The following CLIC3 variants were observed in gnomAD, a reference collection of about 807,000 sequenced individuals.
CLIC3 encodes CLIC family member 3.
CLIC3 carries 29 observed loss-of-function variants against 19.9 expected under a neutral mutation model. The observed-to-expected ratio is 1.46, with a 90% CI of 1.09 to 1.99. The LOEUF (loss-of-function observed/expected upper bound fraction) is 1.99. Ranked by LOEUF, CLIC3 falls within the 30% of genes most tolerant of loss-of-function variation. The pLI is 0.00. For missense variants in CLIC3, 365 were observed against 342.6 expected, an observed-to-expected ratio of 1.07 and a Z score of -0.52; for synonymous variants, 143 against 156.4, an observed-to-expected ratio of 0.91 and a Z score of 0.64.
rs1240919841 is a variant in CLIC3 at position 136,996,388 on chromosome 9, G to C, written c.33+123C>G. Reference sequence around the variant, plus strand: ...CTGTAGGGCTGCCTGAGTCCCCCTAGCCACCCACAGGAAGGGGCTCAGACA... The same window carrying C: ...CTGTAGGGCTGCCTGAGTCCCCCTACCCACCCACAGGAAGGGGCTCAGACA... On this transcript the variant is annotated intron_variant, in intron 1 of 5. Transcript: ENST00000494426. 6 of 892,160 alleles carry C rather than the reference G, an allele frequency of 6.7e-6. No homozygotes were observed. The East Asian group carries it at 1.6e-4, about 24-fold the overall frequency. 55.3% of individuals were successfully genotyped at this position (892,160 alleles called of 1,614,324 possible). A position where few individuals can be genotyped will look rare whatever the true frequency, so the allele number is the denominator to read the frequency against.
Position 136,995,184 on chromosome 9 carries a change from AC to A in CLIC3, c.376+1del. ...GCACCCGACCCCCTGACCCCGCTTC[AC>A]CTTCGTCCTGCGCGGGCACCGGGTT... On this transcript the variant is annotated splice_donor_variant, in intron 4 of 5. Transcript: ENST00000494426. LOFTEE classifies it high-confidence loss of function. 1 of 1,611,542 alleles carries A rather than the reference AC, an allele frequency of 6.2e-7. No individual in the cohort carries two copies. The highest frequency in any genetic ancestry group is 8.5e-7 in the Non-Finnish European group (1 of 1,179,390).
intron 1 of CLIC3, 24 bp from the exon 2 acceptor site, chr9:136,995,781 G>A (rs930310786): frequency 8.1e-6 from 12 of 1,476,188 alleles, no homozygotes; most frequent in Non-Finnish European, 1.1e-5. Flanking sequence ...GCGGGGGTGG[G>A]GGGTCAGGGC....
At chr9:136,995,615 G>A (rs904914269) in intron 2 of CLIC3, 33 bp downstream of exon 2, 1 of 1,609,648 alleles carries the variant, frequency 6.2e-7, no homozygotes, top group Non-Finnish European at 8.5e-7. Context: ...CAGTGTGCGA[G>A]GCCAGGCGGG....
chr9:136,994,809 T>TG lies in CLIC3; in HGVS notation c.582dup (p.Ile195HisfsTer53). 6.3e-7 allele frequency: 1 copy of TG among 1,584,882 alleles called. No individual in the cohort carries two copies. The highest frequency in any genetic ancestry group is 8.6e-7 in the Non-Finnish European group (1 of 1,166,620). On this transcript the variant is annotated frameshift_variant, in exon 6 of 6. Coordinates refer to ENST00000494426, the MANE Select transcript of CLIC3 (RefSeq NM_004669.3). LOFTEE classifies it low-confidence loss of function (END_TRUNC). ...CGTACGCCGCGCAGCTCCGCGGGGA[T>TG]GGGCGCCTGGCGGAAGTGCGCGCAC...
Position 136,995,755 on chromosome 9 carries a change from C to T in CLIC3, c.36G>A (p.Ala12=), listed in dbSNP as rs1487684434. 3 of 1,557,836 alleles carry T rather than the reference C, an allele frequency of 1.9e-6. No homozygotes were observed. Among genetic ancestry groups the T allele is most frequent in the Admixed American group, 3.8e-5 (2 of 52,438 alleles). The change falls in exon 2 of 6, where the codon GCG becomes GCA. Residue 12 remains alanine, a splice_region_variant and synonymous_variant. Transcript: ENST00000494426. ...GACCCACGCTCTCCCCGTCCTCACTCGCCTGGGTGGGTGGAGCGGGGGTGG... is the reference window on the plus strand; with the variant it reads ...GACCCACGCTCTCCCCGTCCTCACTTGCCTGGGTGGGTGGAGCGGGGGTGG... ...AETKLQLFVK[A]SEDGESVGHC...
intron 1 of CLIC3, 131 bp from the exon 2 acceptor site, chr9:136,995,888 C>T (rs954821790): frequency 4.7e-6 from 3 of 644,492 alleles, no homozygotes; most frequent in African/African-American, 3.7e-5. Context: ...GCTTGGTCGG[C>T]GCGACTTCCA....
chr9:136,996,510 C>G lies in CLIC3; in HGVS notation c.33+1G>C. On this transcript the variant is annotated splice_donor_variant, in intron 1 of 5. Coordinates refer to ENST00000494426, the MANE Select transcript of CLIC3 (RefSeq NM_004669.3). LOFTEE classifies it high-confidence loss of function. The stretch of plus-strand genomic sequence containing the variant: ...TCCCCGCAGCTGAGTCCGCCCTGCA[C>G]CTTGACAAACAGCTGGAGCTTGGTC... 6.4e-7 allele frequency: 1 copy of G among 1,555,428 alleles called. No homozygotes were observed. Among genetic ancestry groups the G allele is most frequent in the Non-Finnish European group, 8.7e-7 (1 of 1,148,960 alleles).
In CLIC3 at chr9:136,995,113, G is replaced by T. The variant is rs1021440375; in HGVS notation, c.377-8C>A. The T allele has an allele frequency of 3.5e-5, 54 of 1,561,878 alleles. No individual in the cohort carries two copies. Among genetic ancestry groups the T allele is most frequent in the African/African-American group, 9.5e-5 (7 of 73,668 alleles). ...GCAGCTGCTGGTACAGGGCTAGGGG[G>T]CAGGCGGCGCGGTGAGGACCAGGCC... is the stretch of plus-strand genomic sequence containing the variant. On this transcript the variant is annotated splice_polypyrimidine_tract_variant and splice_region_variant and intron_variant, in intron 4 of 5. Transcript: ENST00000494426.
rs908834 is a variant in CLIC3, at chr9:136,996,466, C to T, written c.33+45G>A. 6,239 of 1,530,814 alleles carry T rather than the reference C, an allele frequency of 4.1e-3. 210 individuals carry two copies. In the African/African-American group the frequency reaches 0.073, roughly 18 times the overall value. The allele number at this position is 1,530,814 out of a possible 1,614,324, so 94.8% of individuals were successfully genotyped here. On this transcript the variant is annotated intron_variant, in intron 1 of 5. Transcript: ENST00000494426. ...CCACAGAAAGCAAAGCCCAGAAAAG[C>T]GCTTCCTCCCAGACACCCTCCCCGC...
intron 1 of CLIC3, 140 bp from the exon 2 acceptor site, chr9:136,995,897 C>T (rs889912354): frequency 3.2e-5 from 20 of 622,944 alleles, no homozygotes; most frequent in Non-Finnish European, 5.3e-5. Flanking sequence ...GCGCGACTTC[C>T]AAGTGCCCAG....
chr9:136,995,140 A>G, intron 4 of CLIC3, 35 bp from the exon 5 acceptor site: 1 of 1,587,634 alleles, frequency 6.3e-7, no homozygotes, highest in South Asian at 1.1e-5. Flanking sequence ...GACCAGGCCC[A>G]GGGCGCCCTC....
chr9:136,995,647 C>T lies in CLIC3; in HGVS notation c.143+1G>A. On this transcript the variant is annotated splice_donor_variant, in intron 2 of 5. Transcript: ENST00000494426. LOFTEE classifies it high-confidence loss of function. ...CGGGGGTCCACAGGATGGGGCCTCACCTGCGCGTGTCCACCGTGGTGAGGG... is the reference window on the plus strand; with the variant it reads ...CGGGGGTCCACAGGATGGGGCCTCATCTGCGCGTGTCCACCGTGGTGAGGG... The T allele has an allele frequency of 6.2e-7, 1 of 1,610,638 alleles. No individual in the cohort carries two copies. Among genetic ancestry groups the T allele is most frequent in the Admixed American group, 1.7e-5 (1 of 59,802 alleles).
intron 1 of CLIC3, 150 bp downstream of exon 1, chr9:136,996,361 C>T: frequency 2.8e-6 from 2 of 709,736 alleles, no homozygotes; most frequent in Non-Finnish European, 4.9e-6. Flanking sequence ...TTTACTCAGC[C>T]TCTGTAGGGC....
Position 136,995,025 on chromosome 9 carries a change from C to A in CLIC3, c.457G>T (p.Glu153Ter), listed in dbSNP as rs1298527083. 1.3e-6 allele frequency: 2 copies of A among 1,508,868 alleles called. No individual in the cohort carries two copies. Among genetic ancestry groups the A allele is most frequent in the Non-Finnish European group, 1.8e-6 (2 of 1,133,614 alleles). The allele number at this position is 1,508,868 out of a possible 1,614,324, so 93.5% of individuals were successfully genotyped here. A position where few individuals can be genotyped will look rare whatever the true frequency, so the allele number is the denominator to read the frequency against. ...RAPLEHELAG[E>*]PQLRESRRRF... is the part of the protein sequence containing the mutation. Reference sequence around the variant, plus strand: ...CGGCGGGACTCGCGCAGCTGCGGCTCCCCCGCCAGCTCGTGCTCCAGGGGC... The same window carrying A: ...CGGCGGGACTCGCGCAGCTGCGGCTACCCCGCCAGCTCGTGCTCCAGGGGC... Residue 153 changes from glutamate to a stop codon, truncating the protein, a stop_gained, in exon 5 of 6, where the codon GAG (glutamate) becomes TAG (stop). Transcript: ENST00000494426. LOFTEE classifies it high-confidence loss of function.
At position 136,994,915 on chromosome 9, in the gene CLIC3, A is replaced by G. The variant is rs1416258959; in HGVS notation, c.552+15T>C. Reference sequence around the variant, plus strand: ...GCCGCGGTCACCCTCCCGCCCGCCCACCTTCCGTGCTCACGTCGACGATGT... The same window carrying G: ...GCCGCGGTCACCCTCCCGCCCGCCCGCCTTCCGTGCTCACGTCGACGATGT... On this transcript the variant is annotated intron_variant, in intron 5 of 5. Transcript: ENST00000494426. The G allele has an allele frequency of 1.6e-6, 1 of 636,014 alleles. No individual in the cohort carries two copies. Among genetic ancestry groups the G allele is most frequent in the South Asian group, 1.7e-5 (1 of 58,308 alleles). 39.4% of individuals were successfully genotyped at this position (636,014 alleles called of 1,614,324 possible). A position where few individuals can be genotyped will look rare whatever the true frequency, so the allele number is the denominator to read the frequency against.
intron 3 of CLIC3, 31 bp downstream of exon 3, chr9:136,995,411 T>C (rs1267947051): frequency 6.2e-7 from 1 of 1,610,728 alleles, no homozygotes; most frequent in African/African-American, 1.3e-5. Flanking sequence ...GGCCCCCCTC[T>C]TTTCCCCTCC....
chr9:136,994,978 C>A lies in CLIC3; in HGVS notation c.504G>T (p.Arg168Ser). ...ESRRRFLDGD[R>S]LTLADCSLLP... ...GGAGGCTGCAGTCGGCCAGCGTGAG[C>A]CTGTCGCCGTCCAGGAAGCGGCGGC... The change falls in exon 5 of 6, where the codon AGG becomes AGT. Residue 168 changes from arginine (R) to serine (S), a missense_variant. Arg to Ser is a moderately radical substitution (Grantham distance 110). Transcript: ENST00000494426. The A allele has an allele frequency of 1.3e-6, 2 of 1,501,248 alleles. No individual in the cohort carries two copies. The highest frequency in any genetic ancestry group is 2.1e-5 in the Admixed American group (1 of 46,952). 93.0% of individuals were successfully genotyped at this position (1,501,248 alleles called of 1,614,324 possible).
At position 136,995,763 on chromosome 9, in the gene CLIC3, T is replaced by A. The variant is rs1162487898; in HGVS notation, c.34-6A>T. ...CTCTCCCCGTCCTCACTCGCCTGGG[T>A]GGGTGGAGCGGGGGTGGGGGGTCAG... On this transcript the variant is annotated splice_region_variant and splice_polypyrimidine_tract_variant and intron_variant, in intron 1 of 5. Transcript: ENST00000494426. 1 of 1,366,896 alleles carries A rather than the reference T, an allele frequency of 7.3e-7. No homozygotes were observed. Among genetic ancestry groups the A allele is most frequent in the South Asian group, 1.2e-5 (1 of 80,830 alleles). 84.7% of individuals were successfully genotyped at this position (1,366,896 alleles called of 1,614,324 possible). A position where few individuals can be genotyped will look rare whatever the true frequency, so the allele number is the denominator to read the frequency against.
rs529923673 is a variant in CLIC3, at chr9:136,995,823, C to T, written c.34-66G>A. 355 of 1,141,236 alleles carry T rather than the reference C, an allele frequency of 3.1e-4. 1 individual carries two copies. In the African/African-American group the frequency reaches 3.8e-3, roughly 12 times the overall value. 70.7% of individuals were successfully genotyped at this position (1,141,236 alleles called of 1,614,324 possible). A position where few individuals can be genotyped will look rare whatever the true frequency, so the allele number is the denominator to read the frequency against. On this transcript the variant is annotated intron_variant, in intron 1 of 5. Transcript: ENST00000494426. ...CAGACCCAGGCATCCTGCCGCCAGGCTGGGCGGGACCCGCCTCCCACTGCC... is the reference window on the plus strand; with the variant it reads ...CAGACCCAGGCATCCTGCCGCCAGGTTGGGCGGGACCCGCCTCCCACTGCC...
Sources: allele counts gnomAD v4.1 joint callset, GRCh38; gene constraint gnomAD v4.1.1; transcripts MANE v1.5; gene names NCBI Gene and HGNC (gene_info 2026-07-23, HGNC 2026-07-21).